The following HPD variants were observed in gnomAD, a reference collection of about 807,000 sequenced individuals.
HPD encodes 4-hydroxyphenylpyruvate dioxygenase, also known as 4-hydroxyphenylpyruvic acid oxidase.
HPD carries 35 observed loss-of-function variants against 56.9 expected under a neutral mutation model. That is an observed-to-expected ratio of 0.62 (90% CI 0.47 to 0.82). HPD has a LOEUF of 0.82. Ranked by LOEUF, HPD falls within the 40% of genes least tolerant of loss-of-function variation. The pLI is 0.00. For missense variants in HPD, 442 were observed against 506.8 expected, an observed-to-expected ratio of 0.87 and a Z score of 1.23; for synonymous variants, 186 against 200.2, an observed-to-expected ratio of 0.93 and a Z score of 0.60.
At position 121,850,960 on chromosome 12, in the gene HPD, T is replaced by G. The variant is rs1219564515; in HGVS notation, c.415-1170A>C. 2.0e-5 allele frequency among the ~76,000 whole-genome samples: 3 copies of G among 150,270 alleles called. No homozygotes were observed. In the Admixed American group the frequency reaches 2.0e-4, roughly 10 times the overall value. On this transcript the variant is annotated intron_variant, in intron 7 of 13. Transcript: ENST00000289004. ...CTCACCACAACGTCTGCCTCCCGGG[T>G]TCAAGCGATTCTCCTGCCTCAGCCT...
chr12:121,857,507 G>T, intron 3 of HPD, 75 bp from the exon 4 acceptor site: 1 of 1,184,398 alleles, frequency 8.4e-7, no homozygotes, highest in Non-Finnish European at 1.3e-6. Flanking sequence ...GAGAGCCCCT[G>T]GCCCCCCTCA....
At chr12:121,867,068 A>C (rs1370010248), upstream of HPD, among the ~76,000 whole-genome samples, 2 of 152,130 alleles carry the variant, frequency 1.3e-5, no homozygotes, top group Non-Finnish European at 2.9e-5. Context: ...AATACATTTG[A>C]GGCCGGGTGT....
At chr12:121,886,413 T>TTG in the HPD span, among the ~76,000 whole-genome samples, 9 of 146,580 alleles carry the variant, frequency 6.1e-5, no homozygotes, top group African/African-American at 2.3e-4. Context: ...TGGCCTAGTT[T>TTG]TTTTTTTTTT....
rs1017183395 is a variant in HPD, at chr12:121,839,609, TG to T, written c.*118del. 5.2e-6 allele frequency: 4 copies of T among 770,050 alleles called. No homozygotes were observed. The highest frequency in any genetic ancestry group is 3.5e-4 in the Middle Eastern group (1 of 2,832). 47.7% of individuals were successfully genotyped at this position (770,050 alleles called of 1,614,324 possible). ...GGCGTGGTCAGTGTGGGCGGAGCCT[TG>T]GGGGCCGAGTCCGCTGGTGGGCGGG... is the stretch of plus-strand genomic sequence containing the variant. On this transcript the variant is annotated 3_prime_UTR_variant, in exon 14 of 14. Coordinates refer to ENST00000289004, the MANE Select transcript of HPD (RefSeq NM_002150.3).
the HPD span, among the ~76,000 whole-genome samples, chr12:121,888,447 C>T: frequency 6.6e-6 from 1 of 152,176 alleles, no homozygotes; most frequent in Non-Finnish European, 1.5e-5. Context: ...TGTAAATCCT[C>T]CAGGGCTGTG....
intron 7 of HPD, 60 bp from the exon 8 acceptor site, chr12:121,849,850 C>T: frequency 8.9e-7 from 1 of 1,121,876 alleles, no homozygotes; most frequent in South Asian, 1.3e-5. Flanking sequence ...GAGGACAGAG[C>T]ACATTTCATA....
intron 7 of HPD, chr12:121,849,993 A>G (rs767925793): frequency 1.7e-6 from 1 of 591,578 alleles, no homozygotes; most frequent in South Asian, 1.8e-5. Flanking sequence ...GGGCGGGGAC[A>G]CTGTTTTGCT....
upstream of HPD, among the ~76,000 whole-genome samples, chr12:121,867,351 C>CA (rs545740135): frequency 9.5e-3 from 1,010 of 106,686 alleles, 7 homozygotes; most frequent in African/African-American, 0.014. Context: ...GACCCTGTCT[C>CA]AAAAAAAAAA....
intron 12 of HPD, among the ~76,000 whole-genome samples, chr12:121,841,156 C>T (rs1384701684): frequency 2.0e-5 from 3 of 149,358 alleles, no homozygotes; most frequent in Non-Finnish European, 3.0e-5. Flanking sequence ...GAGCCAAGAT[C>T]GGCCACTGCT....
chr12:121,883,682 C>CTTTT, the HPD span, among the ~76,000 whole-genome samples: 10 of 138,758 alleles, frequency 7.2e-5, no homozygotes, highest in East Asian at 8.5e-4. Context: ...TTCCTTCTTT[C>CTTTT]TTTTTTTTTT....
At chr12:121,883,682 CTTTTTTTTTTTTTTT>C in the HPD span, among the ~76,000 whole-genome samples, 2 of 138,754 alleles carry the variant, frequency 1.4e-5, no homozygotes, top group Non-Finnish European at 3.1e-5. Flanking sequence ...TTCCTTCTTT[CTTTTTTTTTTTTTTT>C]TGATAGAAAC....
intron 12 of HPD, among the ~76,000 whole-genome samples, chr12:121,842,645 G>T (rs902774254): frequency 1.3e-5 from 2 of 151,492 alleles, no homozygotes; most frequent in African/African-American, 4.9e-5. Context: ...GACCAGGCTG[G>T]TCTCAAACTC....
At chr12:121,877,907 T>C in the HPD span, among the ~76,000 whole-genome samples, 1 of 152,200 alleles carries the variant, frequency 6.6e-6, no homozygotes, top group Non-Finnish European at 1.5e-5. Flanking sequence ...TGAATTTTTA[T>C]GTGAAATCCT....
At chr12:121,869,670 G>A in the HPD span, among the ~76,000 whole-genome samples, 1 of 151,066 alleles carries the variant, frequency 6.6e-6, no homozygotes, top group Non-Finnish European at 1.5e-5. Context: ...GATTAAAGGC[G>A]CCCACCACCA....
At chr12:121,885,951 C>T in the HPD span, among the ~76,000 whole-genome samples, 1 of 151,278 alleles carries the variant, frequency 6.6e-6, no homozygotes, top group Non-Finnish European at 1.5e-5. Context: ...AGAGCCACCA[C>T]GCCCGGATAA....
At chr12:121,844,906 T>TA (rs1566568735) in intron 11 of HPD, among the ~76,000 whole-genome samples, 2 of 147,066 alleles carry the variant, frequency 1.4e-5, no homozygotes, top group Admixed American at 1.4e-4. Context: ...AAATAAAAAA[T>TA]AAAAAATAAA....
the HPD span, among the ~76,000 whole-genome samples, chr12:121,887,474 G>A: frequency 6.6e-6 from 1 of 151,990 alleles, no homozygotes; most frequent in Non-Finnish European, 1.5e-5. Flanking sequence ...TTGAGGCCAG[G>A]GGTTCGAGAC....
chr12:121,872,296 C>A, the HPD span, among the ~76,000 whole-genome samples: 1 of 149,970 alleles, frequency 6.7e-6, no homozygotes, highest in Non-Finnish European at 1.5e-5. Flanking sequence ...CAATGGTGCA[C>A]TCCCACTGCA....
intron 7 of HPD, among the ~76,000 whole-genome samples, chr12:121,853,913 G>C (rs1877898974): frequency 6.6e-6 from 1 of 151,174 alleles, no homozygotes; most frequent in African/African-American, 2.4e-5. Context: ...CTCCAGCCTG[G>C]GCGACAGAGA....
Sources: gnomAD v4.1 joint callset for allele counts (sites outside exome capture counted in the v4.1 genomes callset) on GRCh38, gnomAD v4.1.1 for gene constraint, MANE v1.5 for transcripts, NCBI Gene and HGNC (gene_info 2026-07-23, HGNC 2026-07-21) for gene names.